The following ANO4 variants were observed in gnomAD, a reference collection of about 807,000 sequenced individuals.
ANO4 encodes anoctamin 4.
In ANO4, 69 loss-of-function variants were observed where a neutral mutation model predicts 141.9. The ratio of observed to expected loss-of-function variants is 0.49; its 90% CI spans 0.40 to 0.59. The LOEUF is 0.59. ANO4 is among the 20% of genes least tolerant of loss of function. ANO4 has a pLI of 0.00. For synonymous variants in ANO4, 350 were observed against 394.3 expected (o/e 0.89, Z 1.33); for missense variants, 894 against 1,162.2 (o/e 0.77, Z 3.36).
chr12:100,755,258 C>T (rs377102060), intron 3 of ANO4, among the ~76,000 whole-genome samples: 2 of 152,080 alleles, frequency 1.3e-5, no homozygotes, highest in Admixed American at 6.5e-5. Context: ...TATGCTCATC[C>T]CTCACCTGGA....
At chr12:100,781,653 C>T (rs971385806) in intron 3 of ANO4, among the ~76,000 whole-genome samples, 7 of 152,108 alleles carry the variant, frequency 4.6e-5, no homozygotes, top group East Asian at 1.9e-4. Flanking sequence ...TACTGTATTG[C>T]GTATTTCTAT....
intron 8 of ANO4, among the ~76,000 whole-genome samples, chr12:101,017,575 C>A (rs1178645927): frequency 6.6e-6 from 1 of 152,156 alleles, no homozygotes; most frequent in African/African-American, 2.4e-5. Context: ...CTCAGCTGAC[C>A]TCCAGGAGAC....
intron 1 of ANO4, among the ~76,000 whole-genome samples, chr12:100,719,937 C>G (rs2030789836): frequency 6.6e-6 from 1 of 152,092 alleles, no homozygotes. Flanking sequence ...ACTGTAATCC[C>G]CACCGGTAAA....
At chr12:100,829,871 A>C (rs1223653623) in intron 1 of ANO4, among the ~76,000 whole-genome samples, 1 of 152,052 alleles carries the variant, frequency 6.6e-6, no homozygotes, top group Non-Finnish European at 1.5e-5. Context: ...TTCATGTAAA[A>C]TCATTGTTCC....
chr12:100,846,373 TAC>T (rs1032970393), intron 1 of ANO4, among the ~76,000 whole-genome samples: 1 of 152,246 alleles, frequency 6.6e-6, no homozygotes, highest in Admixed American at 6.5e-5. Flanking sequence ...AGAACTTGTG[TAC>T]AGTTTCCCCC....
At chr12:100,896,323 A>T (rs536814009) in intron 1 of ANO4, among the ~76,000 whole-genome samples, 2 of 152,258 alleles carry the variant, frequency 1.3e-5, no homozygotes, top group South Asian at 2.1e-4. Context: ...AGACACAAAC[A>T]CTGAGAAGGT....
chr12:100,903,074 A>G (rs1287402292), intron 2 of ANO4, among the ~76,000 whole-genome samples: 4 of 152,170 alleles, frequency 2.6e-5, no homozygotes, highest in Admixed American at 2.6e-4. Flanking sequence ...TCTGAAAATA[A>G]TAATTTACTT....
At chr12:100,734,820 T>A (rs2031537330) in intron 2 of ANO4, among the ~76,000 whole-genome samples, 1 of 152,248 alleles carries the variant, frequency 6.6e-6, no homozygotes, top group Non-Finnish European at 1.5e-5. Flanking sequence ...GTTACTTAAG[T>A]ATGTTCAAAC....
chr12:100,929,128 C>A (rs1217487394), intron 3 of ANO4, among the ~76,000 whole-genome samples: 1 of 152,020 alleles, frequency 6.6e-6, no homozygotes, highest in Non-Finnish European at 1.5e-5. Flanking sequence ...TACAAACAAT[C>A]CAATTATACT....
At chr12:100,717,833 G>A (rs1262813366) in intron 1 of ANO4, among the ~76,000 whole-genome samples, 7 of 152,240 alleles carry the variant, frequency 4.6e-5, no homozygotes, top group Non-Finnish European at 8.8e-5. Context: ...ACCACTCAGG[G>A]GAAGGGACGC....
chr12:100,817,145 C>A (rs983098105), intron 1 of ANO4, among the ~76,000 whole-genome samples: 5 of 151,650 alleles, frequency 3.3e-5, no homozygotes, highest in Admixed American at 6.6e-5. Context: ...TTATATAATT[C>A]CTTAAGTATA....
At chr12:100,961,916 T>C (rs890424388) in intron 5 of ANO4, among the ~76,000 whole-genome samples, 5 of 152,182 alleles carry the variant, frequency 3.3e-5, no homozygotes, top group Non-Finnish European at 7.4e-5. Context: ...ACACTAAACA[T>C]TGATTTTCCT....
intron 1 of ANO4, among the ~76,000 whole-genome samples, chr12:100,818,103 A>T (rs2035834115): frequency 1.3e-5 from 2 of 151,800 alleles, no homozygotes; most frequent in South Asian, 4.1e-4. Context: ...CTTTTAGCTT[A>T]TTTTAAAAAT....
intron 5 of ANO4, among the ~76,000 whole-genome samples, chr12:100,958,850 AAAACAAAC>A (rs141003281): frequency 1.3e-5 from 2 of 152,142 alleles, no homozygotes. Flanking sequence ...CTGTCTCAAA[AAAACAAAC>A]AAACAAACAA....
chr12:100,990,014 T>TGGAG lies in ANO4; in HGVS notation c.734+2347_734+2348insGGGA, dbSNP rs1400300778. ...ATGGATGGATGGATGGATGGATGGATGGATGGATGGACAGATGGATGAATA... is the reference window on the plus strand; with the variant it reads ...ATGGATGGATGGATGGATGGATGGATGGAGGGATGGATGGACAGATGGATGAATA... On this transcript the variant is annotated intron_variant, in intron 8 of 27. Transcript: ENST00000392977. Among the ~76,000 whole-genome samples the TGGAG allele has an allele frequency of 2.1e-5, 3 of 144,178 alleles. No homozygotes were observed. In the East Asian group the frequency reaches 6.3e-4, roughly 30 times the overall value. 94.6% of individuals were successfully genotyped at this position (144,178 alleles called of 152,430 possible).
intron 1 of ANO4, among the ~76,000 whole-genome samples, chr12:100,868,782 T>A (rs548838732): frequency 3.3e-4 from 50 of 152,298 alleles, no homozygotes; most frequent in African/African-American, 1.1e-3. Context: ...GATTTCTTCC[T>A]CTCCAGCAGG....
At chr12:100,808,993 A>G (rs536148053) in intron 1 of ANO4, among the ~76,000 whole-genome samples, 5 of 152,324 alleles carry the variant, frequency 3.3e-5, no homozygotes, top group African/African-American at 9.6e-5. Context: ...CACTTAATGA[A>G]CACTTACTAT....
At chr12:101,110,735 T>G (rs1305582246) in intron 23 of ANO4, among the ~76,000 whole-genome samples, 179 bp downstream of exon 23, 1 of 152,238 alleles carries the variant, frequency 6.6e-6, no homozygotes, top group Non-Finnish European at 1.5e-5. Flanking sequence ...AAGCTACCTA[T>G]TTGGAAGTTT....
intron 9 of ANO4, among the ~76,000 whole-genome samples, chr12:101,025,788 A>C (rs2046709720): frequency 6.6e-6 from 1 of 152,234 alleles, no homozygotes; most frequent in African/African-American, 2.4e-5. Flanking sequence ...AAAATCAATC[A>C]ATATAATTCA....
Sources: gnomAD v4.1 joint callset for allele counts (sites outside exome capture counted in the v4.1 genomes callset) on GRCh38, gnomAD v4.1.1 for gene constraint, MANE v1.5 for transcripts, NCBI Gene and HGNC (gene_info 2026-07-23, HGNC 2026-07-21) for gene names.